Variants in PAN2 observed in about 807,000 individuals in gnomAD.
PAN2 encodes the protein poly(A) specific ribonuclease subunit PAN2, also known as PAN2-PAN3 deadenylation complex catalytic subunit PAN2.
In PAN2, 68 loss-of-function variants were observed where a neutral mutation model predicts 133.3. That is an observed-to-expected ratio of 0.51 (90% CI 0.42 to 0.62). The LOEUF (loss-of-function observed/expected upper bound fraction) is 0.62, where lower values mean the gene tolerates loss of function less well. PAN2 is among the 20% of genes least tolerant of loss of function. PAN2 has a pLI of 0.00. For missense variants in PAN2, 1,042 were observed against 1,500.5 expected (o/e 0.69, Z 5.05); for synonymous variants, 462 against 544.6 (o/e 0.85, Z 2.11).
At chr12:56,318,936 T>C in intron 24 of PAN2, 152 bp downstream of exon 24, 3 of 680,980 alleles carry the variant, frequency 4.4e-6, no homozygotes, top group Non-Finnish European at 7.8e-6. Flanking sequence ...AGTGAGAATA[T>C]GTGGTATTTG....
In PAN2 at chr12:56,324,195, G is replaced by T; in HGVS notation, c.1929-10C>A. Reference sequence around the variant, plus strand: ...CGATGAGCAAAAGCTGCTAAGAGTGGAGAGGATGATATATGCACATTGAGG... The same window carrying T: ...CGATGAGCAAAAGCTGCTAAGAGTGTAGAGGATGATATATGCACATTGAGG... On this transcript the variant is annotated splice_polypyrimidine_tract_variant and intron_variant, in intron 12 of 25. Coordinates refer to ENST00000440411, the MANE Select transcript of PAN2 (RefSeq NM_014871.6). 6.2e-7 allele frequency: 1 copy of T among 1,613,636 alleles called. No individual in the cohort carries two copies.
rs1361773866 is a variant in PAN2 at position 56,332,914 on chromosome 12, CA to C, written c.180del (p.Val61SerfsTer103). On this transcript the variant is annotated frameshift_variant, in exon 2 of 26. Coordinates refer to ENST00000440411, the MANE Select transcript of PAN2 (RefSeq NM_014871.6). LOFTEE classifies it high-confidence loss of function. ...ACCACGCTGTGCAATTCAGAGTAGA[CA>C]CCTTCCATTATGTGCACTGATTCCT... ...PVQESVHIMEGVYSELHSVVA... is the reference protein window; with the variant it reads ...PVQESVHIMEXVYSELHSVVA... The C allele has an allele frequency of 6.2e-7, 1 of 1,614,092 alleles. No individual in the cohort carries two copies. Among genetic ancestry groups the C allele is most frequent in the Non-Finnish European group, 8.5e-7 (1 of 1,180,052 alleles).
chr12:56,326,493 G>T, intron 7 of PAN2, 84 bp from the exon 8 acceptor site: 1 of 1,510,776 alleles, frequency 6.6e-7, no homozygotes, highest in Non-Finnish European at 8.9e-7. Context: ...CAGAGAAAAA[G>T]AAAATACTGA....
At chr12:56,320,103 C>T (rs1348493071) in intron 20 of PAN2, 82 bp from the exon 21 acceptor site, 2 of 1,315,892 alleles carry the variant, frequency 1.5e-6, no homozygotes, top group African/African-American at 2.9e-5. Flanking sequence ...TGATCATCGA[C>T]TCTGGGTCTT....
intron 3 of PAN2, 44 bp from the exon 4 acceptor site, chr12:56,328,402 T>C (rs1875360392): frequency 6.3e-7 from 1 of 1,598,250 alleles, no homozygotes; most frequent in African/African-American, 1.3e-5. Context: ...CCTTACAAGC[T>C]GCCAATCCCT....
chr12:56,331,684 G>A (rs1875859288), intron 2 of PAN2, among the ~76,000 whole-genome samples: 1 of 149,316 alleles, frequency 6.7e-6, no homozygotes. Context: ...AAGTCAATCA[G>A]TAAATGAAGG....
chr12:56,321,651 C>G (rs1592433044), intron 20 of PAN2, among the ~76,000 whole-genome samples: 2 of 151,218 alleles, frequency 1.3e-5, no homozygotes, highest in East Asian at 3.9e-4. Context: ...GAGTTCGAGG[C>G]CAGCCTGACC....
chr12:56,322,160 A>T lies in PAN2; in HGVS notation c.2706T>A (p.Ala902=), dbSNP rs1483565283. ...CTTTCCAATTCATGTCAAACTGCAC[A>T]GCTTCATGCTATAGAAGAGAAAAAG... ...FLIEPIDKHE[A]VQFDMNWKVP... The change falls in exon 20 of 26, where the codon GCT becomes GCA. Residue 902 remains alanine (A), a synonymous_variant. Transcript: ENST00000440411. 6.3e-7 allele frequency: 1 copy of T among 1,595,940 alleles called. No individual in the cohort carries two copies. The highest frequency in any genetic ancestry group is 1.3e-5 in the African/African-American group (1 of 74,570).
chr12:56,324,879 G>GA (rs999285527), intron 10 of PAN2, 130 bp downstream of exon 10: 3 of 1,386,552 alleles, frequency 2.2e-6, no homozygotes, highest in Non-Finnish European at 3.0e-6. Context: ...GTAGAGGCAA[G>GA]AAAGAATTGT....
intron 2 of PAN2, among the ~76,000 whole-genome samples, chr12:56,329,471 AG>A (rs1488698892): frequency 6.6e-6 from 1 of 152,026 alleles, no homozygotes; most frequent in Non-Finnish European, 1.5e-5. Context: ...CCAGGATTAC[AG>A]GCATGCACCA....
chr12:56,325,865 T>C (rs1197698417), intron 8 of PAN2, among the ~76,000 whole-genome samples: 1 of 152,260 alleles, frequency 6.6e-6, no homozygotes, highest in African/African-American at 2.4e-5. Context: ...GATATGTGTT[T>C]TGCATTTATG....
Position 56,326,339 on chromosome 12 carries a change from T to C in PAN2, c.1333A>G (p.Asn445Asp). The C allele has an allele frequency of 6.2e-7, 1 of 1,604,804 alleles. No individual in the cohort carries two copies. Among genetic ancestry groups the C allele is most frequent in the Non-Finnish European group, 8.5e-7 (1 of 1,173,444 alleles). ...TGATTGCGCAGCCTGGTGCGGGGAT[T>C]GGGCGCATAGCCAATGAAGCCCACC... ...KKVGFIGYAP[N>D]PRTRLRNQIP... Residue 445 changes from asparagine (N) to aspartate (D), a missense_variant, in exon 8 of 26, where the codon AAT becomes GAT. Transcript: ENST00000440411.
chr12:56,326,597 G>C lies in PAN2; in HGVS notation c.1262+20C>G, dbSNP rs1211875384. The C allele has an allele frequency of 2.5e-6, 4 of 1,596,510 alleles. No homozygotes were observed. The African/African-American group carries it at 4.0e-5, about 16-fold the overall frequency. On this transcript the variant is annotated intron_variant, in intron 7 of 25. Transcript: ENST00000440411. ...CTTTCCCTGTCCCTCCCGCCTTTTGGCCCAGAGGTAGGGTACAACCTGGGA... is the reference window on the plus strand; with the variant it reads ...CTTTCCCTGTCCCTCCCGCCTTTTGCCCCAGAGGTAGGGTACAACCTGGGA...
At chr12:56,320,109 G>T (rs1278687486) in intron 20 of PAN2, 88 bp from the exon 21 acceptor site, 2 of 1,215,500 alleles carry the variant, frequency 1.6e-6, no homozygotes, top group Non-Finnish European at 2.4e-6. Flanking sequence ...TCGACTCTGG[G>T]TCTTCACTGT....
intron 19 of PAN2, 35 bp downstream of exon 19, chr12:56,322,388 A>G (rs757367235): frequency 8.4e-6 from 13 of 1,544,616 alleles, no homozygotes; most frequent in Admixed American, 5.0e-5. Flanking sequence ...GGAAAAGGGG[A>G]AATGAAAGAA....
At position 56,326,750 on chromosome 12, in the gene PAN2, G is replaced by A; in HGVS notation, c.1129C>T (p.Pro377Ser). 6.2e-7 allele frequency: 1 copy of A among 1,614,188 alleles called. No homozygotes were observed. Among genetic ancestry groups the A allele is most frequent in the Non-Finnish European group, 8.5e-7 (1 of 1,180,026 alleles). ...PYSRETEFAL[P>S]CLVDSLPPLD... is the part of the protein sequence containing the mutation. The stretch of plus-strand genomic sequence containing the variant: ...GGAGGCAGTGAGTCCACGAGACACG[G>A]CAAAGCAAACTCAGTCTCACGGGAG... The change falls in exon 7 of 26, where the codon CCG becomes TCG. Residue 377 changes from proline (P) to serine (S), a missense_variant. Pro to Ser is a moderately conservative substitution (Grantham distance 74). Coordinates refer to ENST00000440411, the MANE Select transcript of PAN2 (RefSeq NM_014871.6).
chr12:56,332,036 AG>A (rs1565638808), intron 2 of PAN2, among the ~76,000 whole-genome samples: 1 of 152,182 alleles, frequency 6.6e-6, no homozygotes. Context: ...TTTCTTACAA[AG>A]TCTTTGGGCA....
Position 56,328,013 on chromosome 12 carries a change from G to A in PAN2, c.633C>T (p.Cys211=), listed in dbSNP as rs199966708. The part of the protein sequence containing the change: ...IMRQTNRFFF[C]GHTSGKVSLR... ...TGGCCACCTTGCCAGACGTGTGGCC[G>A]CAGAAGAAGAAGCGATTTGTCTGTC... The change falls in exon 5 of 26, where the codon TGC becomes TGT. Residue 211 remains cysteine (C), a synonymous_variant. Transcript: ENST00000440411. 6.2e-6 allele frequency: 10 copies of A among 1,613,902 alleles called. No homozygotes were observed. Among genetic ancestry groups the A allele is most frequent in the African/African-American group, 2.7e-5 (2 of 75,022 alleles).
In PAN2 at chr12:56,326,634, G is replaced by C; in HGVS notation, c.1245C>G (p.Asn415Lys). Residue 415 changes from asparagine (N) to lysine (K), a missense_variant, in exon 7 of 26, where the codon AAC (asparagine) becomes AAG (lysine). Transcript: ENST00000440411. ...DTLLSDWPAANSAPAPRRAPP... is the reference protein window; with the variant it reads ...DTLLSDWPAAKSAPAPRRAPP... ...GGTACAACCTGGGAGCTGGAGCAGAGTTGGCAGCAGGCCAATCAGAGAGAA... is the reference window on the plus strand; with the variant it reads ...GGTACAACCTGGGAGCTGGAGCAGACTTGGCAGCAGGCCAATCAGAGAGAA... 6.2e-7 allele frequency: 1 copy of C among 1,613,202 alleles called. No homozygotes were observed. The highest frequency in any genetic ancestry group is 2.2e-5 in the East Asian group (1 of 44,872).
Sources: gnomAD v4.1 joint callset for allele counts (sites outside exome capture counted in the v4.1 genomes callset) on GRCh38, gnomAD v4.1.1 for gene constraint, MANE v1.5 for transcripts, NCBI Gene and HGNC (gene_info 2026-07-23, HGNC 2026-07-21) for gene names.